Variants in AUTS2 observed in about 807,000 individuals in gnomAD.
AUTS2 encodes the protein activator of transcription and developmental regulator AUTS2.
In AUTS2, 17 loss-of-function variants were observed where a neutral mutation model predicts 112.4. The observed-to-expected ratio is 0.15, with a 90% confidence interval of 0.10 to 0.23. AUTS2 has a LOEUF of 0.23. Ranked by LOEUF, AUTS2 falls within the 10% of genes least tolerant of loss-of-function variation. AUTS2 has a pLI of 1.00. For synonymous variants in AUTS2, 751 were observed against 702.7 expected (o/e 1.07, Z -1.09); for missense variants, 1,510 against 1,701.6 (o/e 0.89, Z 1.98).
At chr7:70,401,356 C>T (rs1794319344) in intron 4 of AUTS2, among the ~76,000 whole-genome samples, 2 of 152,126 alleles carry the variant, frequency 1.3e-5, no homozygotes, top group Non-Finnish European at 2.9e-5. Flanking sequence ...GAGGGGGAAA[C>T]TTTTCCAGGT....
chr7:70,698,099 A>G (rs546765583), intron 5 of AUTS2, among the ~76,000 whole-genome samples: 1 of 152,198 alleles, frequency 6.6e-6, no homozygotes, highest in Non-Finnish European at 1.5e-5. Context: ...TTAAAAAAAA[A>G]TTAATTTCTG....
At position 70,245,144 on chromosome 7, in the gene AUTS2, GTATATATATATA is replaced by G. The variant is rs71077638; in HGVS notation, c.660+110588_660+110599del. Among the ~76,000 whole-genome samples the G allele has an allele frequency of 3.7e-5, 4 of 108,968 alleles. No homozygotes were observed. The South Asian group carries it at 8.6e-4, about 24-fold the overall frequency. 71.5% of individuals were successfully genotyped at this position (108,968 alleles called of 152,430 possible). A position where few individuals can be genotyped will look rare whatever the true frequency, so the allele number is the denominator to read the frequency against. Reference sequence around the variant, plus strand: ...CAAAAAAAAAAAAAAGTGTGTGTGTGTATATATATATATATATATATATATAAAAAATAAAAA... The same window carrying G: ...CAAAAAAAAAAAAAAGTGTGTGTGTGTATATATATATATAAAAAATAAAAA... On this transcript the variant is annotated intron_variant, in intron 4 of 18. Transcript: ENST00000342771.
intron 10 of AUTS2, among the ~76,000 whole-genome samples, chr7:70,770,915 T>C (rs1332323199): frequency 6.6e-6 from 1 of 152,234 alleles, no homozygotes; most frequent in Non-Finnish European, 1.5e-5. Flanking sequence ...GCAGCTCCAT[T>C]TAAAGTATAC....
At chr7:69,614,369 T>TTCTTTCTTTCTTTCTTTC in intron 1 of AUTS2, among the ~76,000 whole-genome samples, 1 of 25,102 alleles carries the variant, frequency 4.0e-5, no homozygotes, top group African/African-American at 1.0e-4. Flanking sequence ...TCTTTCTTTT[T>TTCTTTCTTTCTTTCTTTC]TTAAGAGATG....
intron 2 of AUTS2, among the ~76,000 whole-genome samples, chr7:69,939,247 AT>A: frequency 6.6e-6 from 1 of 152,148 alleles, no homozygotes; most frequent in Admixed American, 6.5e-5. Flanking sequence ...AAATTCAATC[AT>A]TTTTTTCTCC....
intron 5 of AUTS2, among the ~76,000 whole-genome samples, chr7:70,496,490 A>G (rs1274926660): frequency 7.8e-6 from 1 of 128,082 alleles, no homozygotes; most frequent in Non-Finnish European, 1.6e-5. Context: ...CCCCACACAC[A>G]TGCACACGTC....
intron 1 of AUTS2, among the ~76,000 whole-genome samples, chr7:69,751,193 A>G (rs2129268071): frequency 1.3e-5 from 2 of 152,274 alleles, no homozygotes; most frequent in Admixed American, 1.3e-4. Flanking sequence ...TTCATAAATT[A>G]TCTTAATGTG....
chr7:70,152,210 A>T (rs1807479492), intron 4 of AUTS2, among the ~76,000 whole-genome samples: 1 of 152,192 alleles, frequency 6.6e-6, no homozygotes, highest in African/African-American at 2.4e-5. Flanking sequence ...CATACAGTCT[A>T]ATGCATGTAA....
rs1188234927 is a variant in AUTS2 at position 70,790,013 on chromosome 7, G to A, written c.2797G>A (p.Ala933Thr). Reference protein sequence around the residue: ...GHEGRAAGEEAKQLARVPSPY... With the variant: ...GHEGRAAGEETKQLARVPSPY... ...CGAGGGGCGCGCCGCGGGCGAAGAG[G>A]CCAAGCAGCTGGCCCGGGTGCCGTC... Residue 933 changes from alanine to threonine, a missense_variant, in exon 19 of 19, where the codon GCC becomes ACC. Coordinates refer to ENST00000342771, the MANE Select transcript of AUTS2 (RefSeq NM_015570.4). The surrounding 1 kb of genome is among the most constrained non-coding windows in gnomAD (Gnocchi z 7.6). 3.8e-6 allele frequency: 6 copies of A among 1,594,302 alleles called. No individual in the cohort carries two copies. The highest frequency in any genetic ancestry group is 5.1e-6 in the Non-Finnish European group (6 of 1,170,946).
intron 5 of AUTS2, among the ~76,000 whole-genome samples, chr7:70,456,307 G>A (rs1295054285): frequency 6.6e-6 from 1 of 152,172 alleles, no homozygotes; most frequent in Non-Finnish European, 1.5e-5. Flanking sequence ...TACTTAAAGG[G>A]AACTCTTAAA....
chr7:69,994,439 G>T (rs1798861796), intron 2 of AUTS2, among the ~76,000 whole-genome samples: 1 of 152,188 alleles, frequency 6.6e-6, no homozygotes, highest in African/African-American at 2.4e-5. Context: ...GTAATTGAGT[G>T]CCAGTGGTTG....
chr7:70,168,391 A>G (rs562719747), intron 4 of AUTS2, among the ~76,000 whole-genome samples: 1 of 152,340 alleles, frequency 6.6e-6, no homozygotes, highest in East Asian at 1.9e-4. Context: ...ATCTTGGCTC[A>G]CTGCAATCTC....
At chr7:70,188,768 T>C (rs535746881) in intron 4 of AUTS2, among the ~76,000 whole-genome samples, 41 of 151,718 alleles carry the variant, frequency 2.7e-4, no homozygotes, top group Admixed American at 7.2e-4. Context: ...TCTTGTTTTC[T>C]TTTCTTTCTT....
At chr7:70,000,353 AT>A (rs1483555089) in intron 2 of AUTS2, among the ~76,000 whole-genome samples, 1 of 152,296 alleles carries the variant, frequency 6.6e-6, no homozygotes, top group Non-Finnish European at 1.5e-5. Context: ...CTGTAATCAT[AT>A]GTCTTTTACC....
chr7:69,616,714 G>A (rs989152461), intron 1 of AUTS2, among the ~76,000 whole-genome samples: 15 of 152,210 alleles, frequency 9.9e-5, no homozygotes, highest in Admixed American at 2.0e-4. Context: ...GTGGATTTGG[G>A]GACTTTCAGA....
In AUTS2 at chr7:69,613,673, T is replaced by A. The variant is rs146253775; in HGVS notation, c.309+13711T>A. On this transcript the variant is annotated intron_variant, in intron 1 of 18. Coordinates refer to ENST00000342771, the MANE Select transcript of AUTS2 (RefSeq NM_015570.4). The stretch of plus-strand genomic sequence containing the variant: ...GATTACTGTGCATATAAGCTTATAT[T>A]CTGCTATAGATTCTGAAGTATTTTG... Among the ~76,000 whole-genome samples the A allele has an allele frequency of 2.0e-5, 3 of 152,346 alleles. No homozygotes were observed. In the East Asian group the frequency reaches 5.8e-4, roughly 29 times the overall value.
chr7:69,789,698 A>G (rs993708731), intron 1 of AUTS2, among the ~76,000 whole-genome samples: 1 of 152,106 alleles, frequency 6.6e-6, no homozygotes, highest in Non-Finnish European at 1.5e-5. Flanking sequence ...GCCCTAAATC[A>G]CATATTTCAG....
chr7:70,497,957 A>G (rs781484007), intron 5 of AUTS2, among the ~76,000 whole-genome samples: 3 of 152,220 alleles, frequency 2.0e-5, no homozygotes, highest in African/African-American at 7.2e-5. Context: ...CCTACATTCT[A>G]TGAGTACAAG....
intron 4 of AUTS2, among the ~76,000 whole-genome samples, chr7:70,183,517 T>G (rs1809434667): frequency 6.6e-6 from 1 of 152,242 alleles, no homozygotes; most frequent in African/African-American, 2.4e-5. Flanking sequence ...AGCTCAGCCC[T>G]GGACGGCAGT....
Sources: allele counts gnomAD v4.1 joint callset (sites outside exome capture counted in the v4.1 genomes callset), GRCh38; gene constraint gnomAD v4.1.1; non-coding constraint Gnocchi (gnomAD v3.1); transcripts MANE v1.5; gene names NCBI Gene and HGNC (gene_info 2026-07-23, HGNC 2026-07-21).